Variants in MAMDC2 observed in about 807,000 individuals in gnomAD.
MAMDC2 encodes the protein MAM domain containing 2, also known as MAM domain-containing protein 2.
MAMDC2 carries 57 observed loss-of-function variants against 89.8 expected under a neutral mutation model. The observed-to-expected ratio is 0.63, with a 90% confidence interval of 0.51 to 0.79. The LOEUF (loss-of-function observed/expected upper bound fraction) is 0.79, where lower values mean the gene tolerates loss of function less well. MAMDC2 is among the 30% of genes least tolerant of loss of function. MAMDC2 has a pLI of 0.00. For missense variants in MAMDC2, 800 were observed against 820.6 expected, an observed-to-expected ratio of 0.97 and a Z score of 0.31; for synonymous variants, 313 against 293.4, an observed-to-expected ratio of 1.07 and a Z score of -0.68.
In MAMDC2 at chr9:70,209,313, T is replaced by C. The variant is rs141817669; in HGVS notation, c.1652-9024T>C. On this transcript the variant is annotated intron_variant, in intron 11 of 13. Transcript: ENST00000377182. ...ATTATTGCCTCAATTTCAGAGTCTG[T>C]TATTCCTCTATTCAGGGATTCAACT... is the stretch of plus-strand genomic sequence containing the variant. 1.9e-3 allele frequency among the ~76,000 whole-genome samples: 286 copies of C among 152,332 alleles called. 6 individuals are homozygous for C. In the East Asian group the frequency reaches 0.048, roughly 26 times the overall value.
intron 7 of MAMDC2, among the ~76,000 whole-genome samples, chr9:70,132,196 T>G (rs935482022): frequency 6.6e-6 from 1 of 152,242 alleles, no homozygotes. Flanking sequence ...ATTTGATGTT[T>G]AAAATGAGAG....
chr9:70,094,242 G>A (rs187410075), intron 2 of MAMDC2, among the ~76,000 whole-genome samples: 3 of 152,318 alleles, frequency 2.0e-5, no homozygotes, highest in East Asian at 1.9e-4. Flanking sequence ...CATTCAAGAC[G>A]GCTAAGCAAT....
At chr9:70,045,188 G>A (rs1016750129) in intron 2 of MAMDC2, among the ~76,000 whole-genome samples, 1 of 152,198 alleles carries the variant, frequency 6.6e-6, no homozygotes, top group Non-Finnish European at 1.5e-5. Context: ...CCCTGACAGT[G>A]TTTTTTGCTG....
chr9:70,147,822 T>G (rs1770054903), intron 9 of MAMDC2, among the ~76,000 whole-genome samples: 1 of 150,546 alleles, frequency 6.6e-6, no homozygotes, highest in African/African-American at 2.5e-5. Flanking sequence ...AGTGAGAACA[T>G]TTCTCACCTT....
chr9:70,143,681 A>T lies in MAMDC2; in HGVS notation c.1266A>T (p.Leu422Phe), dbSNP rs151044274. The T allele has an allele frequency of 2.5e-5, 40 of 1,614,198 alleles. 1 individual carries two copies. In the African/African-American group the frequency reaches 4.8e-4, roughly 19 times the overall value. Residue 422 changes from leucine (L) to phenylalanine (F), a missense_variant, in exon 9 of 14, where the codon TTA (leucine) becomes TTT (phenylalanine). Leu to Phe is a conservative substitution (Grantham distance 22, BLOSUM62 0). Transcript: ENST00000377182. ...LRFHYAIYGF[L>F]KMSDTLAVYI... is the part of the protein sequence containing the mutation. The stretch of plus-strand genomic sequence containing the variant: ...TTCATTATGCCATCTATGGATTTTT[A>T]AAAATGAGTGACACCCTAGCAGTTT...
intron 2 of MAMDC2, among the ~76,000 whole-genome samples, chr9:70,107,820 T>G (rs1828380937): frequency 6.6e-6 from 1 of 152,192 alleles, no homozygotes. Context: ...CTGATGTCCC[T>G]CAGCCTGCAG....
chr9:70,046,663 G>C (rs1229836731), intron 2 of MAMDC2, among the ~76,000 whole-genome samples: 1 of 152,206 alleles, frequency 6.6e-6, no homozygotes, highest in Non-Finnish European at 1.5e-5. Context: ...TCCCCCTTCA[G>C]GGAAAACAGG....
intron 2 of MAMDC2, among the ~76,000 whole-genome samples, chr9:70,062,119 G>A (rs1490703963): frequency 6.6e-6 from 1 of 152,110 alleles, no homozygotes; most frequent in Admixed American, 6.5e-5. Context: ...GCCATTGGTT[G>A]TCTAAGATTT....
chr9:70,091,607 G>T (rs114547266), intron 2 of MAMDC2, among the ~76,000 whole-genome samples: 1 of 152,134 alleles, frequency 6.6e-6, no homozygotes, highest in Non-Finnish European at 1.5e-5. Context: ...TTGGCAATCC[G>T]AATCGGATCC....
intron 2 of MAMDC2, among the ~76,000 whole-genome samples, chr9:70,105,756 TA>T (rs1224772308): frequency 1.3e-5 from 2 of 152,254 alleles, no homozygotes; most frequent in East Asian, 3.9e-4. Context: ...AGCATAAGCT[TA>T]TAGTAAAATC....
chr9:70,145,699 T>C (rs766646365), intron 9 of MAMDC2, among the ~76,000 whole-genome samples: 6 of 152,174 alleles, frequency 3.9e-5, no homozygotes, highest in Non-Finnish European at 8.8e-5. Context: ...GAGGATAAAA[T>C]AAGCATTTTA....
intron 2 of MAMDC2, among the ~76,000 whole-genome samples, chr9:70,090,103 A>G (rs1827855744): frequency 7.0e-6 from 1 of 143,832 alleles, no homozygotes; most frequent in East Asian, 2.1e-4. Context: ...CAACCCAATT[A>G]AAAAAATAGG....
intron 11 of MAMDC2, among the ~76,000 whole-genome samples, chr9:70,185,282 T>G (rs1056781218): frequency 4.6e-5 from 7 of 152,192 alleles, no homozygotes; most frequent in Non-Finnish European, 8.8e-5. Flanking sequence ...ACCTGCCAGA[T>G]GCCAGCCAGA....
intron 11 of MAMDC2, among the ~76,000 whole-genome samples, chr9:70,199,896 T>C (rs1443967393): frequency 2.5e-4 from 38 of 151,544 alleles, no homozygotes; most frequent in Non-Finnish European, 5.9e-5. Flanking sequence ...TTTGATGGGG[T>C]TGTTTGTTCT....
chr9:70,122,090 G>A (rs1249480177), intron 5 of MAMDC2, among the ~76,000 whole-genome samples: 1 of 152,178 alleles, frequency 6.6e-6, no homozygotes, highest in Non-Finnish European at 1.5e-5. Flanking sequence ...CCAATGAGAA[G>A]CTTAATGTTG....
chr9:70,105,626 A>T (rs943636047), intron 2 of MAMDC2, among the ~76,000 whole-genome samples: 27 of 152,252 alleles, frequency 1.8e-4, no homozygotes, highest in African/African-American at 6.3e-4. Flanking sequence ...TTTATGGCTA[A>T]GATGTCAAAA....
chr9:70,142,274 C>A (rs1367668304), intron 8 of MAMDC2, among the ~76,000 whole-genome samples: 1 of 152,060 alleles, frequency 6.6e-6, no homozygotes, highest in Non-Finnish European at 1.5e-5. Flanking sequence ...AAGAGCTGGT[C>A]ACACCACAGA....
chr9:70,059,947 A>G (rs1303677869), intron 2 of MAMDC2, among the ~76,000 whole-genome samples: 1 of 152,198 alleles, frequency 6.6e-6, no homozygotes, highest in Non-Finnish European at 1.5e-5. Context: ...CTCTTCCTTC[A>G]GACCTTCACA....
chr9:70,170,397 TCATA>T (rs2032301634), intron 10 of MAMDC2, 78 bp from the exon 11 acceptor site: 3 of 1,467,584 alleles, frequency 2.0e-6, no homozygotes, highest in Non-Finnish European at 2.7e-6. Flanking sequence ...CAGACAACAT[TCATA>T]CATGCAGAGT....
Sources: allele counts gnomAD v4.1 joint callset (sites outside exome capture counted in the v4.1 genomes callset), GRCh38; gene constraint gnomAD v4.1.1; transcripts MANE v1.5; gene names NCBI Gene and HGNC (gene_info 2026-07-23, HGNC 2026-07-21).